The following WNK3 variants were observed in gnomAD, a reference collection of about 807,000 sequenced individuals.
The protein encoded by WNK3 is serine/threonine-protein kinase WNK3.
Under a neutral mutation model 116.7 loss-of-function variants are expected in WNK3, and 18 were observed. The observed-to-expected ratio is 0.15, with a 90% CI of 0.11 to 0.23. The LOEUF is 0.23. Ranked by LOEUF, WNK3 falls within the 10% of genes least tolerant of loss-of-function variation. The pLI is 1.00. For synonymous variants in WNK3, 404 were observed against 469.4 expected (o/e 0.86, Z 1.80); for missense variants, 993 against 1,323.8 (o/e 0.75, Z 3.88).
At chrX:54,321,947 G>A (rs1603398111) in intron 2 of WNK3, among the ~76,000 whole-genome samples, 1 of 102,935 alleles carries the variant, frequency 9.7e-6, no homozygotes, top group South Asian at 4.6e-4. Context: ...TCACGCCATC[G>A]CACTCCAGCC....
intron 22 of WNK3, among the ~76,000 whole-genome samples, chrX:54,214,027 A>AG (rs1809720628): frequency 9.0e-6 from 1 of 111,146 alleles, no homozygotes; most frequent in Non-Finnish European, 1.9e-5. Context: ...CCCAGGCTGG[A>AG]GGGCAGTGGC....
chrX:54,227,814 A>C (rs1046991846), intron 22 of WNK3, among the ~76,000 whole-genome samples: 2 of 112,947 alleles, frequency 1.8e-5, no homozygotes, highest in East Asian at 5.5e-4. Flanking sequence ...TAAGTGAAAA[A>C]AGTCACAAAA....
In WNK3 at chrX:54,198,530, A is replaced by G. The variant is rs1165436691; in HGVS notation, c.5197T>C (p.Ser1733Pro). Residue 1733 changes from serine to proline, a missense_variant, in exon 24 of 24, where the codon TCA becomes CCA. Physicochemically the swap from Ser to Pro is moderately conservative, Grantham distance 74. Around this residue, in one of 4 missense-constraint regions of WNK3, gnomAD observed 836 missense variants for 976.5 expected, o/e 0.86. Coordinates refer to ENST00000354646, the Ensembl canonical transcript of WNK3. ...TGACAAACGTGAGGCATTCCATATG[A>G]TGATAATGGCCCAGGAAATGAAGGG... 3.3e-6 allele frequency: 4 copies of G among 1,207,585 alleles called. No homozygotes were observed. In the African/African-American group the frequency reaches 7.1e-5, roughly 21 times the overall value.
chrX:54,224,351 T>TAA (rs781959334), intron 22 of WNK3, among the ~76,000 whole-genome samples: 34 of 81,430 alleles, frequency 4.2e-4, no homozygotes, highest in South Asian at 6.2e-4. Flanking sequence ...AAACTCCATC[T>TAA]AAAAAAAAAA....
intron 1 of WNK3, among the ~76,000 whole-genome samples, chrX:54,346,487 C>T (rs1212201595): frequency 2.8e-5 from 3 of 106,215 alleles, no homozygotes; most frequent in African/African-American, 1.0e-4. Flanking sequence ...GCCTGTAGTC[C>T]CCGCTACTTG....
chrX:54,357,013 AAC>A (rs1367458340), intron 1 of WNK3, among the ~76,000 whole-genome samples: 2 of 110,024 alleles, frequency 1.8e-5, no homozygotes, highest in African/African-American at 3.3e-5. Flanking sequence ...TCAGTCACAC[AAC>A]ACACACCACC....
chrX:54,258,015 C>T (rs1457041960), intron 11 of WNK3, among the ~76,000 whole-genome samples: 4 of 109,360 alleles, frequency 3.7e-5, no homozygotes, highest in Non-Finnish European at 5.7e-5. Flanking sequence ...CTGTGGTGCA[C>T]GCCTATAATC....
At chrX:54,326,245 T>C (rs2069103040) in intron 2 of WNK3, among the ~76,000 whole-genome samples, 2 of 109,730 alleles carry the variant, frequency 1.8e-5, no homozygotes, top group Middle Eastern at 4.3e-3. Context: ...TGCCCGCCAC[T>C]ACACCCGGCT....
At chrX:54,227,511 A>T (rs1227921872) in intron 22 of WNK3, among the ~76,000 whole-genome samples, 1 of 112,239 alleles carries the variant, frequency 8.9e-6, no homozygotes, top group African/African-American at 3.2e-5. Context: ...TTGGAAAAAA[A>T]GTCTGGTAAT....
chrX:54,306,372 T>C (rs2068825334), intron 5 of WNK3, among the ~76,000 whole-genome samples: 1 of 111,429 alleles, frequency 9.0e-6, no homozygotes, highest in Non-Finnish European at 1.9e-5. Flanking sequence ...CTATACACAA[T>C]AGCCAAGATA....
chrX:54,193,388 T>A (rs2067416787), exon 24 of WNK3: 1 of 111,156 alleles, frequency 9.0e-6, no homozygotes, highest in Admixed American at 9.7e-5. Flanking sequence ...GAAAAGAAAT[T>A]CAACTTAAAA....
chrX:54,293,106 T>C, intron 9 of WNK3, 28 bp downstream of exon 9: 8 of 1,180,507 alleles, frequency 6.8e-6, no homozygotes, highest in Non-Finnish European at 8.0e-6. Context: ...ACTGATTATA[T>C]ATTTAAAAAT....
chrX:54,239,070 C>T lies in WNK3; in HGVS notation c.3681G>A (p.Gly1227=), dbSNP rs781914942. 6.7e-6 allele frequency: 8 copies of T among 1,185,376 alleles called. No individual in the cohort carries two copies. The highest frequency in any genetic ancestry group is 9.0e-6 in the Non-Finnish European group (8 of 884,823). The stretch of plus-strand genomic sequence containing the variant: ...CAGCAGCAGGATAGGCCTCTGGATC[C>T]CCTGGAAGTGAAGCATCTGAGGACA... The change falls in exon 18 of 24, where the codon GGG becomes GGA. Residue 1227 remains glycine (G), a synonymous_variant. Transcript: ENST00000354646.
chrX:54,215,116 CAAA>C (rs60946524), intron 22 of WNK3, among the ~76,000 whole-genome samples: 3 of 29,428 alleles, frequency 1.0e-4, no homozygotes, highest in Non-Finnish European at 1.3e-4. Context: ...GACTCCATCT[CAAA>C]AAAAAAAAAA....
At chrX:54,311,064 C>T in intron 3 of WNK3, 55 bp downstream of exon 3, 3 of 907,167 alleles carry the variant, frequency 3.3e-6, no homozygotes, top group Admixed American at 3.5e-5. Context: ...ATTGTTATGA[C>T]TCCTGAAAAT....
At chrX:54,274,809 C>G (rs1224068872) in intron 10 of WNK3, among the ~76,000 whole-genome samples, 1 of 109,962 alleles carries the variant, frequency 9.1e-6, no homozygotes, top group Non-Finnish European at 1.9e-5. Flanking sequence ...AGTTTGAGAC[C>G]AGCCTGGGCA....
At chrX:54,233,301 G>C (rs897578274) in intron 20 of WNK3, among the ~76,000 whole-genome samples, 1 of 106,106 alleles carries the variant, frequency 9.4e-6, no homozygotes, top group Non-Finnish European at 1.9e-5. Flanking sequence ...AGCTGGGCAC[G>C]GTGGTGCATG....
At chrX:54,274,884 G>A (rs782183618) in intron 10 of WNK3, among the ~76,000 whole-genome samples, 1 of 109,304 alleles carries the variant, frequency 9.1e-6, no homozygotes. Flanking sequence ...GGTAGTACAT[G>A]CCTAGAGTCC....
exon 24 of WNK3, chrX:54,197,242 A>G (rs2067452179): frequency 8.9e-6 from 1 of 112,413 alleles, no homozygotes; most frequent in Non-Finnish European, 1.9e-5. Flanking sequence ...AATGCCTCTC[A>G]GATGCTCAAA....
Sources: allele counts gnomAD v4.1 joint callset (sites outside exome capture counted in the v4.1 genomes callset), GRCh38; gene constraint gnomAD v4.1.1; regional missense constraint gnomAD v4.1.1; transcripts MANE v1.5; gene names NCBI Gene and HGNC (gene_info 2026-07-23, HGNC 2026-07-21).